Variants in TRIM35 observed in about 807,000 individuals in gnomAD.
TRIM35 encodes the protein tripartite motif containing 35.
Under a neutral mutation model 49.1 loss-of-function variants are expected in TRIM35, and 37 were observed. The observed-to-expected ratio is 0.75, with a 90% confidence interval of 0.58 to 0.99. The LOEUF is 0.99. Ranked by LOEUF, TRIM35 falls within the 50% of genes least tolerant of loss-of-function variation. TRIM35 has a pLI of 0.00. For synonymous variants in TRIM35, 302 were observed against 289.3 expected (o/e 1.04, Z -0.45); for missense variants, 648 against 702.7 (o/e 0.92, Z 0.88).
intron 3 of TRIM35, among the ~76,000 whole-genome samples, chr8:27,290,759 C>T (rs1278191993): frequency 6.6e-6 from 1 of 152,178 alleles, no homozygotes; most frequent in Non-Finnish European, 1.5e-5. Context: ...AACTAAAAAA[C>T]TGATCCTAAA....
chr8:27,294,080 C>T lies in TRIM35; in HGVS notation c.762G>A (p.Met254Ile). 6.2e-7 allele frequency: 1 copy of T among 1,613,846 alleles called. No homozygotes were observed. Among genetic ancestry groups the T allele is most frequent in the South Asian group, 1.1e-5 (1 of 91,050 alleles). ...EMKEDDVSFL[M>I]KHKSRKRRLF... is the part of the protein sequence containing the mutation. The stretch of plus-strand genomic sequence containing the variant: ...TGAATCCAGACGCTGAGCTCCTTAC[C>T]ATGAGAAAAGAAACGTCGTCCTCCT... Residue 254 changes from methionine (M) to isoleucine (I), a missense_variant and splice_region_variant, in exon 3 of 6, where the codon ATG becomes ATA. By Grantham distance (10) the Met-to-Ile change is conservative. Coordinates refer to ENST00000305364, the MANE Select transcript of TRIM35 (RefSeq NM_171982.5).
At chr8:27,301,608 C>A (rs999124024) in intron 1 of TRIM35, among the ~76,000 whole-genome samples, 1 of 152,120 alleles carries the variant, frequency 6.6e-6, no homozygotes, top group South Asian at 2.1e-4. Flanking sequence ...AATGTATGTC[C>A]TTGATTAGTT....
Position 27,287,466 on chromosome 8 carries a change from T to C in TRIM35, c.*84A>G, listed in dbSNP as rs900467676. On this transcript the variant is annotated 3_prime_UTR_variant, in exon 6 of 6. Transcript: ENST00000305364. The surrounding 1 kb of genome is among the most constrained non-coding windows in gnomAD (Gnocchi z 6.0). Reference sequence around the variant, plus strand: ...GCCTGGCAAGGAGGCAGGGGCGCAATAGTGCCCAAGCAGTGTGGGCATTAG... The same window carrying C: ...GCCTGGCAAGGAGGCAGGGGCGCAACAGTGCCCAAGCAGTGTGGGCATTAG... 48 of 1,397,682 alleles carry C rather than the reference T, an allele frequency of 3.4e-5. No individual in the cohort carries two copies. The African/African-American group carries it at 4.6e-4, about 14-fold the overall frequency. 86.6% of individuals were successfully genotyped at this position (1,397,682 alleles called of 1,614,324 possible). A position where few individuals can be genotyped will look rare whatever the true frequency, so the allele number is the denominator to read the frequency against.
chr8:27,296,134 G>A (rs1012011816), intron 2 of TRIM35, among the ~76,000 whole-genome samples: 4 of 150,608 alleles, frequency 2.7e-5, no homozygotes, highest in Admixed American at 6.6e-5. Context: ...ATTGGAGAGA[G>A]TAGAATCCAG....
At chr8:27,304,829 G>C (rs777314273) in intron 1 of TRIM35, 1 of 456,702 alleles carries the variant, frequency 2.2e-6, no homozygotes, top group Non-Finnish European at 4.4e-6. Flanking sequence ...CCACTGGTGA[G>C]TTGGTAAAAA....
At chr8:27,292,772 T>A (rs1802480999) in intron 3 of TRIM35, among the ~76,000 whole-genome samples, 1 of 152,208 alleles carries the variant, frequency 6.6e-6, no homozygotes, top group Non-Finnish European at 1.5e-5. Context: ...TCGTGATGGT[T>A]GCACAACTCT....
At position 27,294,072 on chromosome 8, in the gene TRIM35, C is replaced by T. The variant is rs368855488; in HGVS notation, c.762+8G>A. On this transcript the variant is annotated splice_region_variant and intron_variant, in intron 3 of 5. Coordinates refer to ENST00000305364, the MANE Select transcript of TRIM35 (RefSeq NM_171982.5). ...CCTGTCACTGAATCCAGACGCTGAG[C>T]TCCTTACCATGAGAAAAGAAACGTC... 6.2e-7 allele frequency: 1 copy of T among 1,613,310 alleles called. No individual in the cohort carries two copies. Among genetic ancestry groups the T allele is most frequent in the African/African-American group, 1.3e-5 (1 of 74,892 alleles).
intron 5 of TRIM35, among the ~76,000 whole-genome samples, chr8:27,288,885 T>C (rs1802394126): frequency 1.3e-5 from 2 of 152,170 alleles, no homozygotes; most frequent in Non-Finnish European, 2.9e-5. Context: ...CAGTTCTGAA[T>C]AGGCAAGAAA....
chr8:27,287,739 C>G lies in TRIM35; in HGVS notation c.1293G>C (p.Glu431Asp). The stretch of plus-strand genomic sequence containing the variant: ...ACAGCTCGCCCTCCTCACACTCCAG[C>G]TCCACACGCAGGCGGCGTGGGATGG... ...VLAIPRRLRVELECEEGELSF... is the reference protein window; with the variant it reads ...VLAIPRRLRVDLECEEGELSF... The change falls in exon 6 of 6, where the codon GAG becomes GAC. Residue 431 changes from glutamate (E) to aspartate (D), a missense_variant. Glu to Asp is a conservative substitution (Grantham distance 45, BLOSUM62 2). Transcript: ENST00000305364. The surrounding 1 kb of genome is among the most constrained non-coding windows in gnomAD (Gnocchi z 6.0). 1 of 1,610,342 alleles carries G rather than the reference C, an allele frequency of 6.2e-7. No homozygotes were observed. Among genetic ancestry groups the G allele is most frequent in the Non-Finnish European group, 8.5e-7 (1 of 1,178,640 alleles).
rs1802327772 is a variant in TRIM35 at position 27,286,682 on chromosome 8, C to T, written c.*868G>A. Reference sequence around the variant, plus strand: ...ATCTGATGGAGACGGAGGATCCAGCCACACAGAGGCCCTGCATTAACTGTA... The same window carrying T: ...ATCTGATGGAGACGGAGGATCCAGCTACACAGAGGCCCTGCATTAACTGTA... On this transcript the variant is annotated 3_prime_UTR_variant, in exon 6 of 6. Coordinates refer to ENST00000305364, the MANE Select transcript of TRIM35 (RefSeq NM_171982.5). 1 of 156,280 alleles carries T rather than the reference C, an allele frequency of 6.4e-6. No homozygotes were observed. The highest frequency in any genetic ancestry group is 1.4e-5 in the Non-Finnish European group (1 of 70,766). 9.7% of individuals were successfully genotyped at this position (156,280 alleles called of 1,614,324 possible). A position where few individuals can be genotyped will look rare whatever the true frequency, so the allele number is the denominator to read the frequency against.
chr8:27,303,206 C>T (rs1452772141), intron 1 of TRIM35, among the ~76,000 whole-genome samples: 1 of 152,086 alleles, frequency 6.6e-6, no homozygotes, highest in Non-Finnish European at 1.5e-5. Context: ...AATTAGGTTT[C>T]GTTTTCTTAT....
chr8:27,298,384 C>A (rs1049250339), intron 2 of TRIM35, 80 bp downstream of exon 2: 1 of 1,405,906 alleles, frequency 7.1e-7, no homozygotes, highest in Non-Finnish European at 1.0e-6. Context: ...GAGCCAAAGC[C>A]ACGGCTGACA....
At chr8:27,310,607 G>C (rs571860033) in intron 1 of TRIM35, among the ~76,000 whole-genome samples, 194 bp downstream of exon 1, 2 of 152,390 alleles carry the variant, frequency 1.3e-5, no homozygotes, top group South Asian at 4.1e-4. Flanking sequence ...TCTTCTCCCA[G>C]CACGGGCCCC....
intron 5 of TRIM35, among the ~76,000 whole-genome samples, chr8:27,288,625 C>T (rs766436123): frequency 6.6e-6 from 1 of 152,168 alleles, no homozygotes; most frequent in Non-Finnish European, 1.5e-5. Context: ...GATTTCTACC[C>T]TCCAGAACTG....
At chr8:27,294,439 A>G (rs1169291838) in intron 2 of TRIM35, 129 bp from the exon 3 acceptor site, 2 of 861,218 alleles carry the variant, frequency 2.3e-6, no homozygotes, top group African/African-American at 3.4e-5. Context: ...TACAGATAAA[A>G]TATCAACATA....
intron 3 of TRIM35, among the ~76,000 whole-genome samples, chr8:27,292,176 T>C (rs980155826): frequency 3.3e-5 from 5 of 152,216 alleles, no homozygotes; most frequent in Admixed American, 6.5e-5. Context: ...TATATCACTG[T>C]TTTTTACTGT....
At chr8:27,305,339 A>G (rs907412592) in intron 1 of TRIM35, among the ~76,000 whole-genome samples, 12 of 152,248 alleles carry the variant, frequency 7.9e-5, no homozygotes, top group African/African-American at 2.7e-4. Flanking sequence ...TTCCAAAGCA[A>G]GTGTCTGCCA....
At chr8:27,303,876 T>C (rs1802728634) in intron 1 of TRIM35, among the ~76,000 whole-genome samples, 1 of 152,130 alleles carries the variant, frequency 6.6e-6, no homozygotes, top group African/African-American at 2.4e-5. Context: ...GTATTTTTAG[T>C]AGAGACAGGG....
chr8:27,294,241 C>T lies in TRIM35; in HGVS notation c.601G>A (p.Glu201Lys). The change falls in exon 3 of 6, where the codon GAG (glutamate) becomes AAG (lysine). Residue 201 changes from glutamate to lysine, a missense_variant. Transcript: ENST00000305364. The stretch of plus-strand genomic sequence containing the variant: ...ATGGCATCCAGAATGGCCTGCTCCT[C>T]CACTCTCAAGAACTCGCGAAGCTTA... ...FDKLREFLRV[E>K]EQAILDAMAE... 1.2e-6 allele frequency: 2 copies of T among 1,614,226 alleles called. No individual in the cohort carries two copies. The highest frequency in any genetic ancestry group is 1.1e-5 in the South Asian group (1 of 91,084).
Sources: gnomAD v4.1 joint callset for allele counts (sites outside exome capture counted in the v4.1 genomes callset) on GRCh38, gnomAD v4.1.1 for gene constraint, Gnocchi (gnomAD v3.1) non-coding constraint, MANE v1.5 for transcripts, NCBI Gene and HGNC (gene_info 2026-07-23, HGNC 2026-07-21) for gene names.